KCNH7: variants seen among roughly 807,000 people sequenced by gnomAD.
KCNH7 encodes the protein potassium voltage-gated channel subfamily H member 7, also known as voltage-gated inwardly rectifying potassium channel KCNH7.
KCNH7 carries 49 observed loss-of-function variants against 120.8 expected under a neutral mutation model. That is an observed-to-expected ratio of 0.41 (90% CI 0.32 to 0.51). The LOEUF (loss-of-function observed/expected upper bound fraction) is 0.51, where lower values mean the gene tolerates loss of function less well. Among genes scored for constraint, KCNH7 ranks in the 20% least tolerant of loss-of-function variants. The pLI is 0.38. For missense variants in KCNH7, 1,097 were observed against 1,446.6 expected (o/e 0.76, Z 3.92); for synonymous variants, 547 against 516.1 (o/e 1.06, Z -0.81).
At position 162,506,205 on chromosome 2, in the gene KCNH7, A is replaced by T. The variant is rs565816024; in HGVS notation, c.914-1548T>A. On this transcript the variant is annotated intron_variant, in intron 5 of 15. Coordinates refer to ENST00000332142, the MANE Select transcript of KCNH7 (RefSeq NM_033272.4). ...CTCATATGTTCTCATTTGCATATAG[A>T]ACCTAACTCTCTTTACTATTTATAC... Among the ~76,000 whole-genome samples, 8 of 151,992 alleles carry T rather than the reference A, an allele frequency of 5.3e-5. No homozygotes were observed. The South Asian group carries it at 1.7e-3, about 31-fold the overall frequency.
At chr2:162,544,983 C>A (rs972543610) in intron 2 of KCNH7, among the ~76,000 whole-genome samples, 8 of 152,182 alleles carry the variant, frequency 5.3e-5, no homozygotes, top group Non-Finnish European at 7.3e-5. Context: ...ATAATTAAAT[C>A]ATGGCTACTG....
intron 2 of KCNH7, among the ~76,000 whole-genome samples, chr2:162,672,720 C>T (rs951281599): frequency 6.6e-6 from 1 of 151,758 alleles, no homozygotes; most frequent in Admixed American, 6.6e-5. Flanking sequence ...CTTAAATTCT[C>T]CTTACCAGGC....
At chr2:162,666,816 C>G (rs987850752) in intron 2 of KCNH7, among the ~76,000 whole-genome samples, 4 of 152,154 alleles carry the variant, frequency 2.6e-5, no homozygotes, top group African/African-American at 9.7e-5. Flanking sequence ...GAGATTTCCA[C>G]TGTCCATCCC....
intron 2 of KCNH7, among the ~76,000 whole-genome samples, chr2:162,823,778 G>C (rs767679180): frequency 1.3e-5 from 2 of 152,040 alleles, no homozygotes; most frequent in African/African-American, 2.4e-5. Flanking sequence ...AACTAAAGTG[G>C]TTAAAAGAGC....
intron 2 of KCNH7, among the ~76,000 whole-genome samples, chr2:162,632,715 C>G (rs1683816818): frequency 6.6e-6 from 1 of 151,598 alleles, no homozygotes; most frequent in Admixed American, 6.6e-5. Context: ...GTTGAATAAG[C>G]TTTATTTAAA....
intron 2 of KCNH7, among the ~76,000 whole-genome samples, chr2:162,691,740 C>T (rs964255263): frequency 7.9e-5 from 12 of 152,110 alleles, no homozygotes; most frequent in African/African-American, 2.7e-4. Context: ...TTCCTCAACA[C>T]ACCCCACAAC....
chr2:162,747,509 G>A (rs1211728066), intron 2 of KCNH7, among the ~76,000 whole-genome samples: 2 of 152,154 alleles, frequency 1.3e-5, no homozygotes, highest in African/African-American at 4.8e-5. Context: ...AGTGTTGTTT[G>A]TACATTCTAG....
intron 2 of KCNH7, among the ~76,000 whole-genome samples, chr2:162,729,217 G>A (rs1329396639): frequency 5.5e-5 from 8 of 145,600 alleles, no homozygotes; most frequent in Non-Finnish European, 1.5e-5. Flanking sequence ...CCAGGCTGGA[G>A]TGCAGTGGCG....
At chr2:162,472,057 C>G (rs1431103094) in intron 6 of KCNH7, among the ~76,000 whole-genome samples, 1 of 152,110 alleles carries the variant, frequency 6.6e-6, no homozygotes, top group Non-Finnish European at 1.5e-5. Context: ...GAAACTGGAT[C>G]CCTTCCTTAC....
chr2:162,771,025 C>T (rs1683032256), intron 2 of KCNH7, among the ~76,000 whole-genome samples: 1 of 152,098 alleles, frequency 6.6e-6, no homozygotes, highest in East Asian at 1.9e-4. Flanking sequence ...CAACTTGGTA[C>T]AATCTCATGG....
intron 2 of KCNH7, among the ~76,000 whole-genome samples, chr2:162,815,194 C>T (rs577378576): frequency 6.6e-6 from 1 of 152,220 alleles, no homozygotes; most frequent in South Asian, 2.1e-4. Context: ...ATATTTACCC[C>T]TCAACTTATT....
At chr2:162,699,367 G>A (rs560377200) in intron 2 of KCNH7, among the ~76,000 whole-genome samples, 2 of 152,044 alleles carry the variant, frequency 1.3e-5, no homozygotes, top group Admixed American at 1.3e-4. Context: ...CTTTTTTAAT[G>A]GCTGAATAGT....
chr2:162,409,568 A>G (rs1221581586), intron 9 of KCNH7, among the ~76,000 whole-genome samples: 1 of 151,994 alleles, frequency 6.6e-6, no homozygotes, highest in Non-Finnish European at 1.5e-5. Context: ...CAAAAAATCT[A>G]TAACCAGAAG....
chr2:162,703,112 G>A (rs1229908097), intron 2 of KCNH7, among the ~76,000 whole-genome samples: 1 of 152,098 alleles, frequency 6.6e-6, no homozygotes, highest in Non-Finnish European at 1.5e-5. Flanking sequence ...AAAAGAATGA[G>A]TAGTTTTAAT....
At chr2:162,622,315 T>C (rs980856049) in intron 2 of KCNH7, among the ~76,000 whole-genome samples, 4 of 152,076 alleles carry the variant, frequency 2.6e-5, no homozygotes, top group Admixed American at 2.0e-4. Context: ...TTGCGAGCAG[T>C]GAGGGAAAAG....
intron 2 of KCNH7, among the ~76,000 whole-genome samples, chr2:162,756,332 C>A (rs1196323539): frequency 6.6e-6 from 1 of 152,140 alleles, no homozygotes; most frequent in Non-Finnish European, 1.5e-5. Context: ...AATGGAATGG[C>A]TGCTATACCC....
intron 6 of KCNH7, among the ~76,000 whole-genome samples, chr2:162,475,400 A>G (rs566334894): frequency 1.3e-5 from 2 of 152,350 alleles, no homozygotes; most frequent in Admixed American, 6.5e-5. Flanking sequence ...TATGCCAAAT[A>G]GCGTGGCATG....
intron 2 of KCNH7, among the ~76,000 whole-genome samples, chr2:162,561,150 T>C (rs1484043250): frequency 1.3e-5 from 2 of 152,156 alleles, no homozygotes; most frequent in Non-Finnish European, 2.9e-5. Flanking sequence ...AAATCTGAAA[T>C]TTTTGTTTAT....
At chr2:162,551,842 A>G (rs1333799900) in intron 2 of KCNH7, among the ~76,000 whole-genome samples, 3 of 152,170 alleles carry the variant, frequency 2.0e-5, no homozygotes, top group Non-Finnish European at 4.4e-5. Context: ...AAGAGAGAAA[A>G]GATTATAATA....
Sources: gnomAD v4.1 joint callset for allele counts (sites outside exome capture counted in the v4.1 genomes callset) on GRCh38, gnomAD v4.1.1 for gene constraint, MANE v1.5 for transcripts, NCBI Gene and HGNC (gene_info 2026-07-23, HGNC 2026-07-21) for gene names.